Variants in PHKG1 observed in about 807,000 individuals in gnomAD.
PHKG1 encodes the protein phosphorylase b kinase gamma catalytic chain, skeletal muscle/heart isoform.
Under a neutral mutation model 50.5 loss-of-function variants are expected in PHKG1, and 48 were observed. That is an observed-to-expected ratio of 0.95 (90% CI 0.75 to 1.21). The LOEUF is 1.21. Ranked by LOEUF, PHKG1 falls within the 50% of genes most tolerant of loss-of-function variation. The probability of loss-of-function intolerance (pLI) is 0.00; values close to 1 mark genes in which losing one functional copy is unlikely to be tolerated. For synonymous variants in PHKG1, 204 were observed against 212.8 expected (o/e 0.96, Z 0.36); for missense variants, 487 against 519.5 (o/e 0.94, Z 0.61).
intron 1 of PHKG1, among the ~76,000 whole-genome samples, chr7:56,092,540 T>C (rs528261362): frequency 6.6e-6 from 1 of 152,312 alleles, no homozygotes; most frequent in South Asian, 2.1e-4. Flanking sequence ...CCCAAAGTGC[T>C]GGGATTATAG....
At position 56,083,071 on chromosome 7, in the gene PHKG1, A is replaced by T; in HGVS notation, c.547+207T>A. ...CAGTGAGCCGAGATTGTGCCACTGCACTCCAGCCTGGGCGACAGAGTGAGA... is the reference window on the plus strand; with the variant it reads ...CAGTGAGCCGAGATTGTGCCACTGCTCTCCAGCCTGGGCGACAGAGTGAGA... On this transcript the variant is annotated intron_variant, in intron 6 of 9. Coordinates refer to ENST00000297373, the MANE Select transcript of PHKG1 (RefSeq NM_006213.5). 7.9e-6 allele frequency: 4 copies of T among 503,210 alleles called. No homozygotes were observed. The South Asian group carries it at 9.6e-5, about 12-fold the overall frequency. 31.2% of individuals were successfully genotyped at this position (503,210 alleles called of 1,614,324 possible). A position where few individuals can be genotyped will look rare whatever the true frequency, so the allele number is the denominator to read the frequency against.
At chr7:56,082,684 A>G (rs893005169) in intron 6 of PHKG1, among the ~76,000 whole-genome samples, 6 of 152,126 alleles carry the variant, frequency 3.9e-5, no homozygotes, top group African/African-American at 1.4e-4. Flanking sequence ...CACCAACTTC[A>G]GGGCCCAGGG....
rs368105610 is a variant in PHKG1, at chr7:56,087,043, G to C, written c.263-19C>G. ...AGCTGTACTGAAATGGAAATGGCTA[G>C]CTTGTCTCAAGTAGCAGGGGAGCCC... On this transcript the variant is annotated intron_variant, in intron 3 of 9. Coordinates refer to ENST00000297373, the MANE Select transcript of PHKG1 (RefSeq NM_006213.5). The C allele has an allele frequency of 6.2e-7, 1 of 1,607,784 alleles. No individual in the cohort carries two copies. Among genetic ancestry groups the C allele is most frequent in the Non-Finnish European group, 8.5e-7 (1 of 1,174,702 alleles).
intron 4 of PHKG1, among the ~76,000 whole-genome samples, chr7:56,084,653 G>A (rs555512851): frequency 4.6e-5 from 7 of 152,116 alleles, no homozygotes; most frequent in South Asian, 2.1e-4. Context: ...GATTACAGGC[G>A]TGAGCCACCA....
In PHKG1 at chr7:56,087,995, C is replaced by CTT. The variant is rs34943237; in HGVS notation, c.84-221_84-220dup. On this transcript the variant is annotated intron_variant, in intron 2 of 9. Coordinates refer to ENST00000297373, the MANE Select transcript of PHKG1 (RefSeq NM_006213.5). ...AAGCCTGCTCTCAGGCCGTGTGACT[C>CTT]TTTTTTTTTTTTTTTTTTCCTTTTT... Among the ~76,000 whole-genome samples the CTT allele has an allele frequency of 2.1e-3, 200 of 96,906 alleles. 2 individuals carry two copies. Among genetic ancestry groups the CTT allele is most frequent in the Non-Finnish European group, 2.7e-3 (144 of 52,950 alleles). 63.6% of individuals were successfully genotyped at this position (96,906 alleles called of 152,430 possible).
intron 4 of PHKG1, 100 bp downstream of exon 4, chr7:56,086,870 G>A (rs748783839): frequency 5.6e-6 from 5 of 890,564 alleles, no homozygotes; most frequent in Non-Finnish European, 9.6e-6. Context: ...CATCCTCAGC[G>A]CAGGAGCTGG....
At chr7:56,087,100 G>GC in intron 3 of PHKG1, 76 bp from the exon 4 acceptor site, 1 of 1,089,820 alleles carries the variant, frequency 9.2e-7, no homozygotes, top group Non-Finnish European at 1.4e-6. Context: ...GGGGGTCAGG[G>GC]ACCGAGGCTG....
chr7:56,081,478 A>C lies in PHKG1; in HGVS notation c.918+152T>G, dbSNP rs1795987194. On this transcript the variant is annotated intron_variant, in intron 9 of 9. Transcript: ENST00000297373. The surrounding 1 kb of genome is among the most constrained non-coding windows in gnomAD (Gnocchi z 4.6). ...CCTCAGGGACCGAGCCAGTGGGCTG[A>C]CACCTGCCGTCTTTGAAGCCATCAC... is the stretch of plus-strand genomic sequence containing the variant. The C allele has an allele frequency of 4.1e-6, 5 of 1,214,112 alleles. No homozygotes were observed. Among genetic ancestry groups the C allele is most frequent in the Admixed American group, 2.1e-5 (1 of 48,174 alleles). 75.2% of individuals were successfully genotyped at this position (1,214,112 alleles called of 1,614,324 possible).
rs199775883 is a variant in PHKG1 at position 56,081,782 on chromosome 7, G to GGC, written c.793-28_793-27insGC. Reference sequence around the variant, plus strand: ...TGTGAGAGGAGGAGAGGGGAACCGAGAATGTCAAGGCAGGTCCCCTCCAGC... The same window carrying GGC: ...TGTGAGAGGAGGAGAGGGGAACCGAGGCAATGTCAAGGCAGGTCCCCTCCAGC... On this transcript the variant is annotated intron_variant, in intron 8 of 9. Coordinates refer to ENST00000297373, the MANE Select transcript of PHKG1 (RefSeq NM_006213.5). The surrounding 1 kb of genome is among the most constrained non-coding windows in gnomAD (Gnocchi z 4.6). 0.046 allele frequency: 74,450 copies of GGC among 1,610,112 alleles called. 2,548 individuals are homozygous for GGC. The highest frequency in any genetic ancestry group is 0.2 in the East Asian group (9,146 of 44,670).
rs114233658 is a variant in PHKG1, at chr7:56,089,081, C to A, written c.-34-106G>T. On this transcript the variant is annotated intron_variant, in intron 1 of 9. Coordinates refer to ENST00000297373, the MANE Select transcript of PHKG1 (RefSeq NM_006213.5). Reference sequence around the variant, plus strand: ...CATCCTTACATCTCCTGGCACTACACTGGCCTATAGTGAATGTTCCAAATA... The same window carrying A: ...CATCCTTACATCTCCTGGCACTACAATGGCCTATAGTGAATGTTCCAAATA... 2,213 of 632,144 alleles carry A rather than the reference C, an allele frequency of 3.5e-3. 34 individuals are homozygous for A. In the African/African-American group the frequency reaches 0.036, roughly 10 times the overall value. The allele number at this position is 632,144 out of a possible 1,614,324, so 39.2% of individuals were successfully genotyped here. A position where few individuals can be genotyped will look rare whatever the true frequency, so the allele number is the denominator to read the frequency against.
intron 4 of PHKG1, chr7:56,084,310 G>C: frequency 2.1e-6 from 2 of 938,918 alleles, no homozygotes; most frequent in South Asian, 2.8e-5. Context: ...GCTGAAAGAG[G>C]GGACTATGAA....
At chr7:56,091,919 A>G (rs1025520030) in intron 1 of PHKG1, among the ~76,000 whole-genome samples, 2 of 152,228 alleles carry the variant, frequency 1.3e-5, no homozygotes, top group East Asian at 1.9e-4. Flanking sequence ...TGTTTCCCAT[A>G]AAAACAAGCC....
At chr7:56,091,084 CG>C (rs148216126) in intron 1 of PHKG1, among the ~76,000 whole-genome samples, 26,282 of 152,038 alleles carry the variant, frequency 0.17, 2,574 homozygotes, top group Admixed American at 0.23. Context: ...TGATGGCTCT[CG>C]GGCCTGTGGT....
rs1206828609 is a variant in PHKG1 at position 56,080,975 on chromosome 7, G to A, written c.*79C>T. 1.8e-5 allele frequency: 28 copies of A among 1,525,016 alleles called. No individual in the cohort carries two copies. Among genetic ancestry groups the A allele is most frequent in the African/African-American group, 4.1e-5 (3 of 73,304 alleles). 94.5% of individuals were successfully genotyped at this position (1,525,016 alleles called of 1,614,324 possible). ...GTGCTCCTTCTGCAGAGGCCTGCAC[G>A]CATCTCACCCCTTTGACTTGTATTT... On this transcript the variant is annotated 3_prime_UTR_variant, in exon 10 of 10. Transcript: ENST00000297373.
chr7:56,084,043 A>G (rs1322189858), intron 4 of PHKG1: 1 of 660,998 alleles, frequency 1.5e-6, no homozygotes, highest in Non-Finnish European at 2.6e-6. Context: ...GCATTTCTTC[A>G]GCTAAGTCCC....
In PHKG1 at chr7:56,089,391, C is replaced by T. The variant is rs184442476; in HGVS notation, c.-34-416G>A. Among the ~76,000 whole-genome samples the T allele has an allele frequency of 1.1e-3, 166 of 151,532 alleles. No individual in the cohort carries two copies. In the Middle Eastern group the frequency reaches 0.037, roughly 34 times the overall value. On this transcript the variant is annotated intron_variant, in intron 1 of 9. Transcript: ENST00000297373. Reference sequence around the variant, plus strand: ...CTCCAGCCTGGGCGACACAGCCAGACTCCGGCTCAAAAAAAAAAAAATCTT... The same window carrying T: ...CTCCAGCCTGGGCGACACAGCCAGATTCCGGCTCAAAAAAAAAAAAATCTT...
At chr7:56,092,474 T>C (rs1796525068) in intron 1 of PHKG1, among the ~76,000 whole-genome samples, 1 of 152,138 alleles carries the variant, frequency 6.6e-6, no homozygotes, top group African/African-American at 2.4e-5. Context: ...GGTTTCACCA[T>C]GTTGGCCAGG....
At chr7:56,089,137 G>C (rs1030252396) in intron 1 of PHKG1, among the ~76,000 whole-genome samples, 162 bp from the exon 2 acceptor site, 2 of 152,068 alleles carry the variant, frequency 1.3e-5, no homozygotes, top group African/African-American at 2.4e-5. Flanking sequence ...GTTCGTGGTG[G>C]CTCACACCTA....
intron 2 of PHKG1, 73 bp from the exon 3 acceptor site, chr7:56,087,849 C>T: frequency 8.4e-7 from 1 of 1,194,424 alleles, no homozygotes; most frequent in East Asian, 2.4e-5. Flanking sequence ...GAGGCTGCAG[C>T]AGAGATGTCC....
Sources: gnomAD v4.1 joint callset for allele counts (sites outside exome capture counted in the v4.1 genomes callset) on GRCh38, gnomAD v4.1.1 for gene constraint, Gnocchi (gnomAD v3.1) non-coding constraint, MANE v1.5 for transcripts, NCBI Gene and HGNC (gene_info 2026-07-23, HGNC 2026-07-21) for gene names.